Variants in KSR1 observed in about 807,000 individuals in gnomAD.
KSR1 encodes the protein kinase suppressor of ras.
KSR1 carries 35 observed loss-of-function variants against 92.9 expected under a neutral mutation model. The observed-to-expected ratio is 0.38, with a 90% CI of 0.29 to 0.50. The LOEUF (loss-of-function observed/expected upper bound fraction) is 0.50. Among genes scored for constraint, KSR1 ranks in the 20% least tolerant of loss-of-function variants. KSR1 has a pLI of 0.94. For synonymous variants in KSR1, 467 were observed against 472.6 expected (o/e 0.99, Z 0.15); for missense variants, 972 against 1,158.5 (o/e 0.84, Z 2.34).
intron 1 of KSR1, among the ~76,000 whole-genome samples, chr17:27,537,686 A>G (rs61074378): frequency 0.15 from 23,299 of 152,198 alleles, 2,803 homozygotes; most frequent in African/African-American, 0.33. Flanking sequence ...ACGAAACTCC[A>G]TCTCAAATAA....
intron 1 of KSR1, among the ~76,000 whole-genome samples, chr17:27,542,387 C>A (rs2070997598): frequency 1.3e-5 from 2 of 152,192 alleles, no homozygotes; most frequent in Non-Finnish European, 2.9e-5. Context: ...ACAGATTTAA[C>A]CCCCTGCCCT....
chr17:27,547,585 A>G (rs2071224756), intron 1 of KSR1, among the ~76,000 whole-genome samples: 1 of 152,182 alleles, frequency 6.6e-6, no homozygotes, highest in Non-Finnish European at 1.5e-5. Context: ...TTAATAAAGA[A>G]GCTTTTATGA....
At position 27,592,548 on chromosome 17, in the gene KSR1, C is replaced by A. The variant is rs999194916; in HGVS notation, c.1221C>A (p.Val407=). 2 of 1,613,948 alleles carry A rather than the reference C, an allele frequency of 1.2e-6. No individual in the cohort carries two copies. The highest frequency in any genetic ancestry group is 1.7e-6 in the Non-Finnish European group (2 of 1,179,868). ...CTCGGCTTCGGAGGACAGAATCTGT[C>A]CCCTCGGACATCAACAACCCGGTGG... The part of the protein sequence containing the change: ...PLTRLRRTES[V]PSDINNPVDR... The change falls in exon 9 of 21, where the codon GTC becomes GTA. Residue 407 remains valine, a synonymous_variant. Coordinates refer to ENST00000644974, the MANE Select transcript of KSR1 (RefSeq NM_001394583.1).
intron 5 of KSR1, 76 bp from the exon 6 acceptor site, chr17:27,588,399 T>A: frequency 2.2e-6 from 3 of 1,351,094 alleles, no homozygotes; most frequent in Middle Eastern, 1.8e-4. Flanking sequence ...CTGTGGTCTC[T>A]GAATTAGGAA....
intron 1 of KSR1, among the ~76,000 whole-genome samples, chr17:27,531,202 T>G (rs779261051): frequency 6.6e-6 from 1 of 152,242 alleles, no homozygotes; most frequent in Non-Finnish European, 1.5e-5. Flanking sequence ...TGTAGCAATA[T>G]GTTGAGAAAC....
intron 1 of KSR1, among the ~76,000 whole-genome samples, chr17:27,466,365 C>T (rs2019693959): frequency 6.6e-6 from 1 of 152,198 alleles, no homozygotes; most frequent in African/African-American, 2.4e-5. Flanking sequence ...TAGGGTGTCT[C>T]CTGGGCATCA....
chr17:27,518,242 G>T (rs1023818236), intron 1 of KSR1, among the ~76,000 whole-genome samples: 1 of 152,136 alleles, frequency 6.6e-6, no homozygotes. Context: ...TGTAAACAAG[G>T]CCCCAGAGGT....
At position 27,601,343 on chromosome 17, in the gene KSR1, T is replaced by C. The variant is rs1023695383; in HGVS notation, c.1469-17T>C. On this transcript the variant is annotated splice_polypyrimidine_tract_variant and intron_variant, in intron 10 of 20. Coordinates refer to ENST00000644974, the MANE Select transcript of KSR1 (RefSeq NM_001394583.1). ...GGCCGTTCTGTGTGTGTGACTCACC[T>C]CCTCTTCTGTTTAAAGCTGCCTACT... 1 of 1,611,734 alleles carries C rather than the reference T, an allele frequency of 6.2e-7. No homozygotes were observed. Among genetic ancestry groups the C allele is most frequent in the South Asian group, 1.1e-5 (1 of 90,918 alleles).
intron 1 of KSR1, chr17:27,465,244 G>A (rs538103173): frequency 6.6e-6 from 1 of 152,154 alleles, no homozygotes; most frequent in African/African-American, 2.4e-5. Context: ...TTTTTCTGTT[G>A]TCTTGGCCTT....
intron 1 of KSR1, among the ~76,000 whole-genome samples, chr17:27,506,352 T>C (rs1458185729): frequency 6.6e-6 from 1 of 152,248 alleles, no homozygotes; most frequent in East Asian, 1.9e-4. Flanking sequence ...ATGACTCCAC[T>C]GCAATAATTA....
chr17:27,465,083 GGTAGAGAT>G (rs1181674271), intron 1 of KSR1: 1 of 152,192 alleles, frequency 6.6e-6, no homozygotes, highest in African/African-American at 2.4e-5. Flanking sequence ...CCAGAATGCA[GGTAGAGAT>G]GTAGAGACGT....
intron 9 of KSR1, among the ~76,000 whole-genome samples, chr17:27,596,184 C>G (rs2073339697): frequency 6.6e-6 from 1 of 152,244 alleles, no homozygotes; most frequent in Non-Finnish European, 1.5e-5. Flanking sequence ...CAAAAAGTTA[C>G]TAAGCTTCAT....
Position 27,608,004 on chromosome 17 carries a change from C to G in KSR1, c.2085C>G (p.Ile695Met). The G allele has an allele frequency of 6.2e-7, 1 of 1,605,302 alleles. No homozygotes were observed. Reference sequence around the variant, plus strand: ...AGACGAGGCAAATCGCTCAGGAGATCATCAAGGTGAGGGGGTGCCCAGCTG... The same window carrying G: ...AGACGAGGCAAATCGCTCAGGAGATGATCAAGGTGAGGGGGTGCCCAGCTG... Reference protein sequence around the residue: ...INKTRQIAQEIIKGMGYLHAK... With the variant: ...INKTRQIAQEMIKGMGYLHAK... Residue 695 changes from isoleucine to methionine, a missense_variant, in exon 15 of 21, where the codon ATC (isoleucine) becomes ATG (methionine). Ile to Met is a conservative substitution (Grantham distance 10, BLOSUM62 1). This residue lies in a region of KSR1 where 260 missense variants were observed against 375.2 expected (regional missense o/e 0.69). Coordinates refer to ENST00000644974, the MANE Select transcript of KSR1 (RefSeq NM_001394583.1).
At chr17:27,612,618 A>G (rs1168081015) in intron 18 of KSR1, 1 of 152,236 alleles carries the variant, frequency 6.6e-6, no homozygotes, top group Non-Finnish European at 1.5e-5. Flanking sequence ...AGTGATATAT[A>G]AAGAAACTCC....
intron 15 of KSR1, among the ~76,000 whole-genome samples, 190 bp from the exon 16 acceptor site, chr17:27,609,006 C>G (rs550997308): frequency 6.6e-6 from 1 of 152,240 alleles, no homozygotes; most frequent in Non-Finnish European, 1.5e-5. Context: ...AGCTCTGCTT[C>G]TTCACTGCTG....
chr17:27,458,196 A>G (rs2019271033), intron 1 of KSR1, among the ~76,000 whole-genome samples: 1 of 152,196 alleles, frequency 6.6e-6, no homozygotes, highest in East Asian at 1.9e-4. Flanking sequence ...AAAACCCCCT[A>G]CAACTGGCCT....
chr17:27,611,688 C>T lies in KSR1; in HGVS notation c.2493+59C>T, dbSNP rs2073922131. 3 of 1,600,406 alleles carry T rather than the reference C, an allele frequency of 1.9e-6. No homozygotes were observed. The African/African-American group carries it at 4.0e-5, about 21-fold the overall frequency. On this transcript the variant is annotated intron_variant, in intron 18 of 20. Transcript: ENST00000644974. ...GCTGGAGGTGGGGTGGGGCATGTGG[C>T]ATGGCTGCCCTTCACTCACCCACCT...
chr17:27,485,575 C>T (rs2068639689), intron 1 of KSR1, among the ~76,000 whole-genome samples: 1 of 151,940 alleles, frequency 6.6e-6, no homozygotes, highest in Admixed American at 6.5e-5. Flanking sequence ...GAAATGCATA[C>T]AGTTGTTAAA....
chr17:27,476,454 G>T (rs866444593), intron 1 of KSR1, among the ~76,000 whole-genome samples: 2 of 152,192 alleles, frequency 1.3e-5, no homozygotes, highest in African/African-American at 4.8e-5. Context: ...GGGCGCTGCC[G>T]GTGAGCTGTG....
Sources: allele counts gnomAD v4.1 joint callset (sites outside exome capture counted in the v4.1 genomes callset), GRCh38; gene constraint gnomAD v4.1.1; regional missense constraint gnomAD v4.1.1; transcripts MANE v1.5; gene names NCBI Gene and HGNC (gene_info 2026-07-23, HGNC 2026-07-21).